SCIN: variants seen among roughly 807,000 people sequenced by gnomAD.
The protein encoded by SCIN is adseverin.
In SCIN, 91 loss-of-function variants were observed where a neutral mutation model predicts 91.8. The observed-to-expected ratio is 0.99, with a 90% confidence interval of 0.84 to 1.18. SCIN has a LOEUF of 1.18. SCIN is among the 50% of genes most tolerant of loss of function. SCIN has a pLI of 0.00. For missense variants in SCIN, 1,087 were observed against 863.9 expected (o/e 1.26, Z -3.24); for synonymous variants, 367 against 312.6 (o/e 1.17, Z -1.84).
intron 9 of SCIN, among the ~76,000 whole-genome samples, chr7:12,633,844 G>A (rs1046814569): frequency 6.6e-6 from 1 of 152,154 alleles, no homozygotes; most frequent in African/African-American, 2.4e-5. Context: ...GCACACAGAT[G>A]TGTTGGCTAG....
At chr7:12,577,767 G>A in intron 1 of SCIN, 1 of 405,366 alleles carries the variant, frequency 2.5e-6, no homozygotes. Context: ...GAGGTAGGAG[G>A]ATCGCTTAAG....
chr7:12,596,383 A>G (rs1782841756), intron 3 of SCIN: 2 of 454,974 alleles, frequency 4.4e-6, no homozygotes, highest in African/African-American at 4.0e-5. Context: ...GTGGACCATC[A>G]GGAAATGGCC....
chr7:12,576,360 T>TG (rs944066233), intron 1 of SCIN, among the ~76,000 whole-genome samples: 2 of 90,578 alleles, frequency 2.2e-5, no homozygotes, highest in African/African-American at 1.2e-4. Context: ...ACTGAGTTGT[T>TG]TTTTTTTGTT....
chr7:12,619,675 G>A (rs1380776091), intron 4 of SCIN, among the ~76,000 whole-genome samples: 3 of 152,082 alleles, frequency 2.0e-5, no homozygotes, highest in Non-Finnish European at 2.9e-5. Flanking sequence ...ATGGAATGCC[G>A]AGTATGTCAG....
At chr7:12,583,187 C>T (rs560652441) in intron 3 of SCIN, among the ~76,000 whole-genome samples, 17 of 152,084 alleles carry the variant, frequency 1.1e-4, no homozygotes, top group Admixed American at 7.2e-4. Flanking sequence ...TCATGAATAG[C>T]TTCCAATTCA....
chr7:12,609,875 T>TAA (rs5882368), intron 4 of SCIN, among the ~76,000 whole-genome samples: 29 of 150,404 alleles, frequency 1.9e-4, no homozygotes, highest in African/African-American at 4.1e-4. Flanking sequence ...ATTTTTGACC[T>TAA]AAAAAAAAAG....
Position 12,578,168 on chromosome 7 carries a change from T to C in SCIN, c.304T>C (p.Tyr102His). ...AGTGCAGAATAGAGAACTTCAAGGA[T>C]ATGAGTCTAATGACTTTGTTAGCTA... ...KPVQNRELQG[Y>H]ESNDFVSYFK... Residue 102 changes from tyrosine to histidine, a missense_variant, in exon 2 of 16, where the codon TAT becomes CAT. Transcript: ENST00000297029. 1.9e-6 allele frequency: 3 copies of C among 1,551,150 alleles called. No individual in the cohort carries two copies. The highest frequency in any genetic ancestry group is 1.2e-5 in the South Asian group (1 of 83,880).
rs1289880430 is a variant in SCIN, at chr7:12,657,562, ATATATATATATTTTTTTTT to A, written c.*4849_*4867del. 6 of 25,036 alleles carry A rather than the reference ATATATATATATTTTTTTTT, an allele frequency of 2.4e-4. No homozygotes were observed. Among genetic ancestry groups the A allele is most frequent in the African/African-American group, 5.7e-4 (5 of 8,698 alleles). The allele number at this position is 25,036 out of a possible 1,614,324, so 1.6% of individuals were successfully genotyped here. ...TGTATATATATATATATATATATAT[ATATATATATATTTTTTTTT>A]TTTTTTTTTTTTTTTTTGCATTGGC... On this transcript the variant is annotated 3_prime_UTR_variant, in exon 16 of 16. Coordinates refer to ENST00000297029, the MANE Select transcript of SCIN (RefSeq NM_001112706.3).
intron 4 of SCIN, 121 bp from the exon 5 acceptor site, chr7:12,622,680 G>C (rs1783432911): frequency 1.5e-6 from 1 of 687,058 alleles, no homozygotes; most frequent in East Asian, 2.7e-5. Context: ...AGAAGTGTTT[G>C]AGCCTGGTCA....
At chr7:12,612,861 C>G (rs1223074633) in intron 4 of SCIN, among the ~76,000 whole-genome samples, 1 of 152,130 alleles carries the variant, frequency 6.6e-6, no homozygotes, top group African/African-American at 2.4e-5. Context: ...ATAATCTCCC[C>G]CTTTGTCACA....
rs570398194 is a variant in SCIN, at chr7:12,658,788, G to A, written c.*6073G>A. 28 of 152,264 alleles carry A rather than the reference G, an allele frequency of 1.8e-4. No homozygotes were observed. Among genetic ancestry groups the A allele is most frequent in the African/African-American group, 6.3e-4 (26 of 41,536 alleles). 9.4% of individuals were successfully genotyped at this position (152,264 alleles called of 1,614,324 possible). ...TATTTTAGATACAGATAGCATTAGAGTTTATCAGTAAAGTTGGGCAACTCA... is the reference window on the plus strand; with the variant it reads ...TATTTTAGATACAGATAGCATTAGAATTTATCAGTAAAGTTGGGCAACTCA... On this transcript the variant is annotated 3_prime_UTR_variant, in exon 16 of 16. Transcript: ENST00000297029.
intron 15 of SCIN, among the ~76,000 whole-genome samples, chr7:12,652,271 G>A (rs745860716): frequency 3.3e-5 from 5 of 152,074 alleles, no homozygotes; most frequent in African/African-American, 7.2e-5. Context: ...TTACTGAAAC[G>A]TATAACAATA....
At chr7:12,625,937 C>G (rs1783512718) in intron 7 of SCIN, 87 bp downstream of exon 7, 2 of 854,452 alleles carry the variant, frequency 2.3e-6, no homozygotes, top group South Asian at 3.5e-5. Context: ...AAGTTTGGGT[C>G]AAAGTAACGT....
intron 4 of SCIN, among the ~76,000 whole-genome samples, chr7:12,606,782 A>G (rs1783087823): frequency 6.6e-6 from 1 of 152,154 alleles, no homozygotes; most frequent in Non-Finnish European, 1.5e-5. Flanking sequence ...GATTCATTTT[A>G]TAATCAGAAA....
At chr7:12,619,856 A>G (rs1055097219) in intron 4 of SCIN, among the ~76,000 whole-genome samples, 6 of 152,186 alleles carry the variant, frequency 3.9e-5, no homozygotes, top group African/African-American at 9.6e-5. Context: ...AGACCTGTTT[A>G]TTTACTCAAT....
chr7:12,590,499 G>C (rs183995157), intron 3 of SCIN, among the ~76,000 whole-genome samples: 1 of 152,262 alleles, frequency 6.6e-6, no homozygotes, highest in African/African-American at 2.4e-5. Context: ...GTGAAGAGAT[G>C]TCAGAATTTC....
chr7:12,579,419 A>T (rs1782443486), intron 2 of SCIN, among the ~76,000 whole-genome samples: 1 of 152,192 alleles, frequency 6.6e-6, no homozygotes, highest in Non-Finnish European at 1.5e-5. Context: ...TATGTCAGTG[A>T]ACTCAACATT....
rs1784151521 is a variant in SCIN at position 12,655,577 on chromosome 7, G to C, written c.*2862G>C. ...ATACTTTTATCTATCTACCAGATTA[G>C]CAAATGTTAAAATATTAAAATGTTA... On this transcript the variant is annotated 3_prime_UTR_variant, in exon 16 of 16. Coordinates refer to ENST00000297029, the MANE Select transcript of SCIN (RefSeq NM_001112706.3). The C allele has an allele frequency of 6.6e-6, 1 of 152,114 alleles. No individual in the cohort carries two copies. The allele number at this position is 152,114 out of a possible 1,614,324, so 9.4% of individuals were successfully genotyped here. A position where few individuals can be genotyped will look rare whatever the true frequency, so the allele number is the denominator to read the frequency against.
intron 13 of SCIN, among the ~76,000 whole-genome samples, chr7:12,649,137 G>A (rs1047137143): frequency 5.3e-5 from 8 of 152,070 alleles, no homozygotes; most frequent in Non-Finnish European, 8.8e-5. Flanking sequence ...ACAAAAGCTC[G>A]AGTGCATGCC....
Sources: allele counts gnomAD v4.1 joint callset (sites outside exome capture counted in the v4.1 genomes callset), GRCh38; gene constraint gnomAD v4.1.1; transcripts MANE v1.5; gene names NCBI Gene and HGNC (gene_info 2026-07-23, HGNC 2026-07-21).